Variants in SEC63 observed in about 807,000 individuals in gnomAD.
The protein encoded by SEC63 is SEC63 protein translocation regulator, also known as translocation protein SEC63 homolog.
A neutral mutation model predicts 116.2 loss-of-function variants in SEC63; 56 were observed. That is an observed-to-expected ratio of 0.48 (90% CI 0.39 to 0.60). The LOEUF (loss-of-function observed/expected upper bound fraction) is 0.60, where lower values mean the gene tolerates loss of function less well. Among genes scored for constraint, SEC63 ranks in the 20% least tolerant of loss-of-function variants. SEC63 has a pLI of 0.00. For missense variants in SEC63, 668 were observed against 900.0 expected, an observed-to-expected ratio of 0.74 and a Z score of 3.30; for synonymous variants, 273 against 294.6, an observed-to-expected ratio of 0.93 and a Z score of 0.75.
chr6:107,900,018 G>C (rs1429121655), intron 13 of SEC63, among the ~76,000 whole-genome samples: 1 of 152,130 alleles, frequency 6.6e-6, no homozygotes, highest in Non-Finnish European at 1.5e-5. Context: ...TAGAATACAA[G>C]CTCAATAAGC....
chr6:107,947,876 T>C (rs1391956402), intron 1 of SEC63, among the ~76,000 whole-genome samples: 1 of 151,872 alleles, frequency 6.6e-6, no homozygotes, highest in Non-Finnish European at 1.5e-5. Flanking sequence ...CACCAAACCA[T>C]TCTCCACACA....
chr6:107,874,430 TA>T (rs1038039301), intron 19 of SEC63, among the ~76,000 whole-genome samples: 7 of 151,678 alleles, frequency 4.6e-5, no homozygotes, highest in South Asian at 2.1e-4. Flanking sequence ...CCGTCTCTAC[TA>T]AAAAAATATA....
chr6:107,890,378 C>G (rs1407524498), intron 16 of SEC63, among the ~76,000 whole-genome samples: 1 of 152,190 alleles, frequency 6.6e-6, no homozygotes, highest in Non-Finnish European at 1.5e-5. Context: ...TTATCAGAGA[C>G]TAGGATTATA....
At chr6:107,953,874 C>G (rs1443779207) in intron 1 of SEC63, among the ~76,000 whole-genome samples, 4 of 144,424 alleles carry the variant, frequency 2.8e-5, no homozygotes, top group African/African-American at 1.1e-4. Flanking sequence ...GGCCAGCCGC[C>G]CGGTCCGGGA....
chr6:107,885,331 A>G (rs1274257230), intron 16 of SEC63, among the ~76,000 whole-genome samples: 2 of 152,246 alleles, frequency 1.3e-5, no homozygotes, highest in African/African-American at 4.8e-5. Context: ...ATACAAGGTC[A>G]ATATTTAGAA....
chr6:107,937,332 G>A (rs927042107), intron 1 of SEC63, among the ~76,000 whole-genome samples: 1 of 151,824 alleles, frequency 6.6e-6, no homozygotes, highest in Non-Finnish European at 1.5e-5. Context: ...CTCCATGTTG[G>A]TCAGGCTGGT....
At chr6:107,881,033 G>A in intron 18 of SEC63, 116 bp downstream of exon 18, 1 of 772,968 alleles carries the variant, frequency 1.3e-6, no homozygotes, top group Non-Finnish European at 2.3e-6. Flanking sequence ...TCTCAGGATA[G>A]ACCACATTTA....
chr6:107,926,867 C>CA (rs1787687089), intron 2 of SEC63, among the ~76,000 whole-genome samples: 1 of 152,178 alleles, frequency 6.6e-6, no homozygotes, highest in Admixed American at 6.5e-5. Flanking sequence ...AAGCTCATAA[C>CA]AGAATCCAAA....
Position 107,929,526 on chromosome 6 carries a change from GA to G in SEC63, c.125-13del, listed in dbSNP as rs565329945. 164 of 1,477,960 alleles carry G rather than the reference GA, an allele frequency of 1.1e-4. No homozygotes were observed. The highest frequency in any genetic ancestry group is 8.7e-4 in the Middle Eastern group (5 of 5,744). 91.6% of individuals were successfully genotyped at this position (1,477,960 alleles called of 1,614,324 possible). Reference sequence around the variant, plus strand: ...TAATCGAATTTGCTCTGTCAAGAAAGAAAAATAAGATGAATTAAAAACCATT... The same window carrying G: ...TAATCGAATTTGCTCTGTCAAGAAAGAAAATAAGATGAATTAAAAACCATT... On this transcript the variant is annotated splice_polypyrimidine_tract_variant and intron_variant, in intron 1 of 20. Transcript: ENST00000369002.
chr6:107,900,718 T>C (rs995628284), intron 13 of SEC63, among the ~76,000 whole-genome samples: 6 of 152,188 alleles, frequency 3.9e-5, no homozygotes, highest in Non-Finnish European at 5.9e-5. Context: ...TCTTGGTAAC[T>C]AAAAGAATGT....
chr6:107,925,675 C>A (rs1037781580), intron 2 of SEC63, among the ~76,000 whole-genome samples: 1 of 152,202 alleles, frequency 6.6e-6, no homozygotes, highest in Non-Finnish European at 1.5e-5. Flanking sequence ...ACTATACACT[C>A]TAAAGTAATA....
intron 16 of SEC63, among the ~76,000 whole-genome samples, chr6:107,884,250 C>CAAAAAAAAAAAAAAAAAAAAAA (rs35806948): frequency 8.9e-6 from 1 of 111,936 alleles, no homozygotes; most frequent in Non-Finnish European, 1.9e-5. Context: ...GACTCTGTCT[C>CAAAAAAAAAAAAAAAAAAAAAA]AAAAAAAAAA....
Position 107,958,088 on chromosome 6 carries a change from C to T in SEC63, c.-79G>A, listed in dbSNP as rs541294458. The T allele has an allele frequency of 6.9e-6, 11 of 1,589,470 alleles. No individual in the cohort carries two copies. Among genetic ancestry groups the T allele is most frequent in the Middle Eastern group, 1.8e-4 (1 of 5,540 alleles). On this transcript the variant is annotated 5_prime_UTR_variant, in exon 1 of 21. Transcript: ENST00000369002. ...TGCACTCCCGCTCCCAACGCCCCGG[C>T]CCGAGTGGCGTAGCTTGGACACTGC...
chr6:107,901,763 A>C (rs1389154764), intron 12 of SEC63, among the ~76,000 whole-genome samples: 1 of 152,078 alleles, frequency 6.6e-6, no homozygotes, highest in Admixed American at 6.5e-5. Flanking sequence ...TAGAAAAAAC[A>C]AAGTTGGAGG....
At chr6:107,911,063 G>C in intron 7 of SEC63, 1 of 394,100 alleles carries the variant, frequency 2.5e-6, no homozygotes, top group Non-Finnish European at 4.6e-6. Flanking sequence ...CTCAAGTAAT[G>C]TCACATTTAG....
intron 1 of SEC63, among the ~76,000 whole-genome samples, chr6:107,939,397 G>A (rs1422604652): frequency 1.3e-5 from 2 of 152,190 alleles, no homozygotes; most frequent in Non-Finnish European, 2.9e-5. Context: ...CTTATTCGAT[G>A]TATAGAAAAC....
At chr6:107,907,809 A>G (rs1005602794) in intron 8 of SEC63, among the ~76,000 whole-genome samples, 4 of 152,190 alleles carry the variant, frequency 2.6e-5, no homozygotes, top group African/African-American at 9.7e-5. Flanking sequence ...AACTGTTCCT[A>G]AAACAGCTAA....
At chr6:107,932,854 T>C (rs774697346) in intron 1 of SEC63, among the ~76,000 whole-genome samples, 2 of 152,098 alleles carry the variant, frequency 1.3e-5, no homozygotes, top group African/African-American at 2.4e-5. Flanking sequence ...GGAATCCAAG[T>C]ATCCTCCCAC....
intron 1 of SEC63, among the ~76,000 whole-genome samples, chr6:107,951,006 TA>T (rs1193788866): frequency 1.3e-5 from 2 of 152,250 alleles, no homozygotes; most frequent in Admixed American, 6.5e-5. Flanking sequence ...ATAACTCTTC[TA>T]TTGTAAATCA....
Sources: allele counts gnomAD v4.1 joint callset (sites outside exome capture counted in the v4.1 genomes callset), GRCh38; gene constraint gnomAD v4.1.1; transcripts MANE v1.5; gene names NCBI Gene and HGNC (gene_info 2026-07-23, HGNC 2026-07-21).